PIP5K1B: variants seen among roughly 807,000 people sequenced by gnomAD.
PIP5K1B encodes phosphatidylinositol 4-phosphate 5-kinase type-1 beta.
A neutral mutation model predicts 67.0 loss-of-function variants in PIP5K1B; 42 were observed. That is an observed-to-expected ratio of 0.63 (90% CI 0.49 to 0.81). The LOEUF (loss-of-function observed/expected upper bound fraction) is 0.81, where lower values mean the gene tolerates loss of function less well. PIP5K1B is among the 30% of genes least tolerant of loss of function. The pLI is 0.00. For missense variants in PIP5K1B, 459 were observed against 646.3 expected, an observed-to-expected ratio of 0.71 and a Z score of 3.14; for synonymous variants, 214 against 231.4, an observed-to-expected ratio of 0.92 and a Z score of 0.68.
chr9:68,723,557 C>G (rs1161160511), intron 1 of PIP5K1B, among the ~76,000 whole-genome samples: 1 of 151,462 alleles, frequency 6.6e-6, no homozygotes, highest in Non-Finnish European at 1.5e-5. Flanking sequence ...AGATGTTATC[C>G]CGTTGTGGTT....
At chr9:68,753,625 C>T (rs1176689284) in intron 2 of PIP5K1B, among the ~76,000 whole-genome samples, 1 of 137,074 alleles carries the variant, frequency 7.3e-6, no homozygotes, top group South Asian at 2.6e-4. Context: ...CCTGGGTTCA[C>T]GCCATTCTCC....
intron 14 of PIP5K1B, among the ~76,000 whole-genome samples, chr9:68,948,756 A>G (rs943023670): frequency 1.3e-5 from 2 of 151,632 alleles, no homozygotes; most frequent in African/African-American, 2.4e-5. Context: ...TTTACATCAC[A>G]TTAGTCTGCA....
At chr9:68,828,111 C>CA (rs1834082227) in intron 4 of PIP5K1B, among the ~76,000 whole-genome samples, 4 of 152,186 alleles carry the variant, frequency 2.6e-5, no homozygotes, top group Non-Finnish European at 5.9e-5. Flanking sequence ...AACACCAGGG[C>CA]CTTGACTGTC....
At chr9:68,878,266 C>T (rs1824004727) in intron 6 of PIP5K1B, among the ~76,000 whole-genome samples, 1 of 152,166 alleles carries the variant, frequency 6.6e-6, no homozygotes, top group South Asian at 2.1e-4. Flanking sequence ...ACTTGCGTTT[C>T]ACACTGTTGA....
chr9:68,878,620 A>T (rs1436090210), intron 6 of PIP5K1B, among the ~76,000 whole-genome samples: 1 of 152,222 alleles, frequency 6.6e-6, no homozygotes, highest in African/African-American at 2.4e-5. Flanking sequence ...TGCTTTGCTC[A>T]TAGTTGTAGG....
intron 3 of PIP5K1B, among the ~76,000 whole-genome samples, chr9:68,820,100 T>C (rs1833659336): frequency 6.6e-6 from 1 of 152,328 alleles, no homozygotes; most frequent in Non-Finnish European, 1.5e-5. Context: ...GTTGCTCTTG[T>C]AGTTTTTTGG....
intron 15 of PIP5K1B, among the ~76,000 whole-genome samples, chr9:68,996,822 T>A (rs1292081585): frequency 3.3e-5 from 5 of 152,200 alleles, no homozygotes; most frequent in African/African-American, 1.2e-4. Flanking sequence ...ATTGCTTTTT[T>A]AATAATATAG....
At position 68,968,713 on chromosome 9, in the gene PIP5K1B, A is replaced by ATT. The variant is rs146620576; in HGVS notation, c.1503-22426_1503-22425insTT. ...GATCCTTGTTTATATATATATATAT[A>ATT]TATTTTTTTTTTGCATGTGTTGACT... is the stretch of plus-strand genomic sequence containing the variant. On this transcript the variant is annotated intron_variant, in intron 14 of 15. Transcript: ENST00000265382. Among the ~76,000 whole-genome samples the ATT allele has an allele frequency of 8.3e-3, 1,180 of 142,884 alleles. 9 individuals carry two copies. The highest frequency in any genetic ancestry group is 0.012 in the Non-Finnish European group (816 of 65,914). 93.7% of individuals were successfully genotyped at this position (142,884 alleles called of 152,430 possible).
At chr9:68,723,694 G>GTTTTTTTTTTTTTTTTT (rs1224332057) in intron 1 of PIP5K1B, among the ~76,000 whole-genome samples, 1 of 36,708 alleles carries the variant, frequency 2.7e-5, no homozygotes, top group Admixed American at 3.1e-4. Flanking sequence ...TGAAGTATTT[G>GTTTTTTTTTTTTTTTTT]GTTTTTTTTT....
chr9:68,932,310 A>C (rs1222926090), intron 12 of PIP5K1B, among the ~76,000 whole-genome samples: 1 of 152,220 alleles, frequency 6.6e-6, no homozygotes, highest in South Asian at 2.1e-4. Context: ...TCTCAGGGCC[A>C]CATTACACCC....
In PIP5K1B at chr9:68,894,402, G is replaced by A; in HGVS notation, c.535G>A (p.Gly179Arg). The change falls in exon 8 of 16, where the codon GGA (glycine) becomes AGA (arginine). Residue 179 changes from glycine (G) to arginine (R), a missense_variant. Gly to Arg is a moderately radical substitution (Grantham distance 125, BLOSUM62 -2). This residue lies in a region of PIP5K1B where 290 missense variants were observed against 474.4 expected (regional missense o/e 0.61). Coordinates refer to ENST00000265382, the MANE Select transcript of PIP5K1B (RefSeq NM_003558.4). ...KFYGLYCMQS[G>R]GINIRIVVMN... is the part of the protein sequence containing the mutation. ...TTACGGACTGTATTGTATGCAATCA[G>A]GAGGCATTAATATCAGGATTGTGGT... 1 of 1,613,808 alleles carries A rather than the reference G, an allele frequency of 6.2e-7. No homozygotes were observed. The highest frequency in any genetic ancestry group is 8.5e-7 in the Non-Finnish European group (1 of 1,179,788).
chr9:68,723,864 C>T (rs931851146), intron 1 of PIP5K1B, among the ~76,000 whole-genome samples: 3 of 151,848 alleles, frequency 2.0e-5, no homozygotes, highest in African/African-American at 7.3e-5. Context: ...AGAAGCTTTT[C>T]AGCTTGATGC....
intron 15 of PIP5K1B, among the ~76,000 whole-genome samples, chr9:69,006,072 G>A (rs1831064443): frequency 1.3e-5 from 2 of 151,784 alleles, no homozygotes; most frequent in African/African-American, 4.8e-5. Context: ...TTTTATTTTT[G>A]TAGAGACAGG....
At chr9:68,804,095 T>C (rs1564148293) in intron 2 of PIP5K1B, among the ~76,000 whole-genome samples, 2 of 152,006 alleles carry the variant, frequency 1.3e-5, no homozygotes, top group Non-Finnish European at 2.9e-5. Context: ...AACAGTCTTT[T>C]GAGGAGTTGA....
intron 12 of PIP5K1B, among the ~76,000 whole-genome samples, chr9:68,925,798 T>TTTTTTTTTTTTTTTTTTTTTTTTTTTTG (rs1826666643): frequency 8.0e-6 from 1 of 124,432 alleles, no homozygotes; most frequent in Non-Finnish European, 1.7e-5. Flanking sequence ...GGTTCCAATT[T>TTTTTTTTTTTTTTTTTTTTTTTTTTTTG]TTTTTTTTTT....
At chr9:68,729,885 C>T (rs547543368) in intron 1 of PIP5K1B, among the ~76,000 whole-genome samples, 8 of 151,848 alleles carry the variant, frequency 5.3e-5, no homozygotes, top group Middle Eastern at 3.4e-3. Flanking sequence ...TGAATATACC[C>T]TTAGATCCAG....
chr9:69,003,052 G>A lies in PIP5K1B; in HGVS notation c.1621-5395G>A, dbSNP rs1341454050. 3.3e-5 allele frequency among the ~76,000 whole-genome samples: 5 copies of A among 152,036 alleles called. No homozygotes were observed. In the East Asian group the frequency reaches 7.7e-4, roughly 23 times the overall value. Reference sequence around the variant, plus strand: ...ATCGGGTGAACCCAGAGATGAAGGGGACCCCGGAGCCAAGGAGATGATGTT... The same window carrying A: ...ATCGGGTGAACCCAGAGATGAAGGGAACCCCGGAGCCAAGGAGATGATGTT... On this transcript the variant is annotated intron_variant, in intron 15 of 15. Coordinates refer to ENST00000265382, the MANE Select transcript of PIP5K1B (RefSeq NM_003558.4).
chr9:68,761,895 G>A (rs1013872729), intron 2 of PIP5K1B, among the ~76,000 whole-genome samples: 6 of 152,130 alleles, frequency 3.9e-5, no homozygotes, highest in African/African-American at 1.4e-4. Context: ...GGGTAAGGAT[G>A]TGGACATCTT....
chr9:68,801,157 G>A (rs1037773062), intron 2 of PIP5K1B, among the ~76,000 whole-genome samples: 2 of 152,208 alleles, frequency 1.3e-5, no homozygotes, highest in Non-Finnish European at 2.9e-5. Flanking sequence ...TGTGTGTGAG[G>A]AGGGGATGGA....
Sources: gnomAD v4.1 joint callset for allele counts (sites outside exome capture counted in the v4.1 genomes callset) on GRCh38, gnomAD v4.1.1 for gene constraint, gnomAD v4.1.1 regional missense constraint, MANE v1.5 for transcripts, NCBI Gene and HGNC (gene_info 2026-07-23, HGNC 2026-07-21) for gene names.